Variants in PLXDC2 observed in about 807,000 individuals in gnomAD.
The protein encoded by PLXDC2 is plexin domain-containing protein 2.
In PLXDC2, 40 loss-of-function variants were observed where a neutral mutation model predicts 68.9. The observed-to-expected ratio is 0.58, with a 90% CI of 0.45 to 0.76. PLXDC2 has a LOEUF of 0.76. Ranked by LOEUF, PLXDC2 falls within the 30% of genes least tolerant of loss-of-function variation. The probability of loss-of-function intolerance (pLI) is 0.00; values close to 1 mark genes in which losing one functional copy is unlikely to be tolerated. For missense variants in PLXDC2, 644 were observed against 661.9 expected (o/e 0.97, Z 0.30); for synonymous variants, 243 against 234.2 (o/e 1.04, Z -0.34).
chr10:20,090,839 T>C (rs1300255273), intron 4 of PLXDC2, among the ~76,000 whole-genome samples: 1 of 152,328 alleles, frequency 6.6e-6, no homozygotes, highest in Non-Finnish European at 1.5e-5. Context: ...TTAATATTAA[T>C]TTAAAAAGCA....
chr10:20,114,843 G>A (rs1271364889), intron 4 of PLXDC2, among the ~76,000 whole-genome samples: 1 of 152,122 alleles, frequency 6.6e-6, no homozygotes, highest in Non-Finnish European at 1.5e-5. Context: ...ACCAGACCAG[G>A]GAGGGCTTTA....
intron 1 of PLXDC2, among the ~76,000 whole-genome samples, chr10:19,883,252 C>A (rs1049897540): frequency 1.3e-5 from 2 of 151,700 alleles, no homozygotes; most frequent in East Asian, 3.9e-4. Context: ...GTGAGCCACC[C>A]CGCCTGGCCA....
At chr10:19,835,183 G>A (rs557010170) in intron 1 of PLXDC2, among the ~76,000 whole-genome samples, 1 of 152,292 alleles carries the variant, frequency 6.6e-6, no homozygotes, top group Admixed American at 6.5e-5. Flanking sequence ...GAAGTTGACA[G>A]TTGGCCCAAA....
chr10:19,902,736 G>T (rs754302949), intron 1 of PLXDC2, among the ~76,000 whole-genome samples: 22 of 152,174 alleles, frequency 1.4e-4, no homozygotes, highest in Non-Finnish European at 2.6e-4. Context: ...AGTGGTGAAA[G>T]TTGGCATCCT....
chr10:20,083,660 G>A (rs941726235), intron 4 of PLXDC2, among the ~76,000 whole-genome samples: 4 of 152,154 alleles, frequency 2.6e-5, no homozygotes, highest in African/African-American at 9.7e-5. Context: ...AGAGTATGCA[G>A]TATAAAGCTT....
intron 1 of PLXDC2, among the ~76,000 whole-genome samples, chr10:19,924,063 T>A (rs911756671): frequency 9.9e-5 from 15 of 152,078 alleles, no homozygotes; most frequent in Non-Finnish European, 1.0e-4. Flanking sequence ...GTCTGTACAG[T>A]TCCCGGAAGT....
At chr10:20,098,357 A>ATGTGTGTGTGTGTGTGTGTGTGTG (rs35209594) in intron 4 of PLXDC2, among the ~76,000 whole-genome samples, 68 of 145,486 alleles carry the variant, frequency 4.7e-4, no homozygotes, top group East Asian at 1.6e-3. Context: ...GTGTGTGTGT[A>ATGTGTGTGTGTGTGTGTGTGTGTG]TGTGTGTGTG....
rs1835744218 is a variant in PLXDC2, at chr10:20,044,213, CTTTCTTT to C, written c.325-2655_325-2649del. Among the ~76,000 whole-genome samples the C allele has an allele frequency of 6.0e-4, 4 of 6,618 alleles. No homozygotes were observed. In the South Asian group the frequency reaches 0.013, roughly 21 times the overall value. 4.3% of individuals were successfully genotyped at this position (6,618 alleles called of 152,430 possible). On this transcript the variant is annotated intron_variant, in intron 2 of 13. Coordinates refer to ENST00000377252, the MANE Select transcript of PLXDC2 (RefSeq NM_032812.9). ...TCTTTCTCTCTCTCTCTCTCTCTGT[CTTTCTTT>C]CTTTCTTTCTTTCTTTCTTTCTTTC...
At chr10:20,246,035 A>G (rs1235686998) in intron 13 of PLXDC2, among the ~76,000 whole-genome samples, 1 of 152,234 alleles carries the variant, frequency 6.6e-6, no homozygotes, top group Non-Finnish European at 1.5e-5. Context: ...CATTTTGCAT[A>G]ATGTATGTAC....
intron 1 of PLXDC2, among the ~76,000 whole-genome samples, chr10:19,844,593 AAT>A (rs1292890171): frequency 6.7e-6 from 1 of 149,530 alleles, no homozygotes; most frequent in Non-Finnish European, 1.5e-5. Flanking sequence ...TTTATTTTTC[AAT>A]ATTTTTTTTT....
chr10:20,177,084 C>A lies in PLXDC2; in HGVS notation c.969C>A (p.Thr323=). 9 of 1,604,534 alleles carry A rather than the reference C, an allele frequency of 5.6e-6. No homozygotes were observed. The highest frequency in any genetic ancestry group is 7.7e-6 in the Non-Finnish European group (9 of 1,172,560). ...CCAACATTTCGGCTGTGGAGATGAC[C>A]CCATTACCCAGTAAGCGAATATGTA... ...KITNISAVEM[T]PLPTCLQFNR... Residue 323 remains threonine, a synonymous_variant, in exon 8 of 14, where the codon ACC becomes ACA. Coordinates refer to ENST00000377252, the MANE Select transcript of PLXDC2 (RefSeq NM_032812.9).
At chr10:20,275,343 C>G (rs1835992346) in intron 13 of PLXDC2, among the ~76,000 whole-genome samples, 1 of 152,164 alleles carries the variant, frequency 6.6e-6, no homozygotes, top group South Asian at 2.1e-4. Context: ...CCCTAGGCCT[C>G]TCTGAGATCT....
chr10:19,936,945 C>T (rs1009894879), intron 1 of PLXDC2, among the ~76,000 whole-genome samples: 5 of 152,204 alleles, frequency 3.3e-5, no homozygotes, highest in African/African-American at 1.2e-4. Context: ...CTAAAATATT[C>T]CAGATATTGG....
chr10:20,205,968 G>A (rs575184290), intron 9 of PLXDC2, among the ~76,000 whole-genome samples: 1 of 151,996 alleles, frequency 6.6e-6, no homozygotes, highest in East Asian at 1.9e-4. Flanking sequence ...TGCATATAAT[G>A]ACTATATTGT....
At chr10:19,877,576 G>C (rs578045616) in intron 1 of PLXDC2, among the ~76,000 whole-genome samples, 2 of 152,242 alleles carry the variant, frequency 1.3e-5, no homozygotes, top group South Asian at 4.1e-4. Context: ...CTTCCTTTCC[G>C]TGTGGGCTGG....
chr10:19,901,381 A>C (rs1838158140), intron 1 of PLXDC2, among the ~76,000 whole-genome samples: 1 of 152,106 alleles, frequency 6.6e-6, no homozygotes, highest in Non-Finnish European at 1.5e-5. Context: ...TGCAGGAGTG[A>C]GGTGGTATTG....
At chr10:20,142,815 A>T (rs1430746448) in intron 4 of PLXDC2, among the ~76,000 whole-genome samples, 4 of 151,980 alleles carry the variant, frequency 2.6e-5, no homozygotes, top group Non-Finnish European at 1.5e-5. Flanking sequence ...AAAAAAAAAG[A>T]ATCAAAACAT....
chr10:19,999,376 A>C (rs1346487043), intron 1 of PLXDC2, among the ~76,000 whole-genome samples: 2 of 142,166 alleles, frequency 1.4e-5, no homozygotes, highest in African/African-American at 5.0e-5. Context: ...AATCCTTTGA[A>C]GTTGTAGGTG....
intron 1 of PLXDC2, among the ~76,000 whole-genome samples, chr10:19,873,588 G>T (rs1394371407): frequency 6.6e-6 from 1 of 151,898 alleles, no homozygotes; most frequent in Non-Finnish European, 1.5e-5. Flanking sequence ...CCCAGCTAGA[G>T]TTACCATTTC....
Sources: gnomAD v4.1 joint callset for allele counts (sites outside exome capture counted in the v4.1 genomes callset) on GRCh38, gnomAD v4.1.1 for gene constraint, MANE v1.5 for transcripts, NCBI Gene and HGNC (gene_info 2026-07-23, HGNC 2026-07-21) for gene names.